The following KLHL29 variants were observed in gnomAD, a reference collection of about 807,000 sequenced individuals.
KLHL29 encodes kelch like family member 29, also known as kelch-like protein 29.
KLHL29 carries 21 observed loss-of-function variants against 80.4 expected under a neutral mutation model. That is an observed-to-expected ratio of 0.26 (90% CI 0.19 to 0.38). The LOEUF is 0.38. KLHL29 is among the 10% of genes least tolerant of loss of function. The pLI is 1.00. For missense variants in KLHL29, 867 were observed against 1,223.9 expected (o/e 0.71, Z 4.35); for synonymous variants, 511 against 526.8 (o/e 0.97, Z 0.41).
Position 23,416,424 on chromosome 2 carries a change from C to A in KLHL29, c.-154+30644C>A, listed in dbSNP as rs576334921. 7.9e-5 allele frequency among the ~76,000 whole-genome samples: 12 copies of A among 152,282 alleles called. No homozygotes were observed. The South Asian group carries it at 2.1e-3, about 26-fold the overall frequency. ...TCCATGCCTCAGTTTCTTCATCTAGCAAAAGGCAAGTGATACACCAAGGTC... is the reference window on the plus strand; with the variant it reads ...TCCATGCCTCAGTTTCTTCATCTAGAAAAAGGCAAGTGATACACCAAGGTC... On this transcript the variant is annotated intron_variant, in intron 1 of 13. Transcript: ENST00000486442.
At chr2:23,529,452 A>G (rs1338557730) in intron 2 of KLHL29, among the ~76,000 whole-genome samples, 1 of 152,158 alleles carries the variant, frequency 6.6e-6, no homozygotes, top group Non-Finnish European at 1.5e-5. Context: ...GGTTCACTCC[A>G]CCACTATGCA....
rs116468249 is a variant in KLHL29, at chr2:23,524,121, G to C, written c.-45-38031G>C. 734 of 450,834 alleles carry C rather than the reference G, an allele frequency of 1.6e-3. 8 individuals carry two copies. Among genetic ancestry groups the C allele is most frequent in the African/African-American group, 0.014 (692 of 49,320 alleles). 27.9% of individuals were successfully genotyped at this position (450,834 alleles called of 1,614,324 possible). ...CCTCAGTGTCGTAGGTAGCGGAGAT[G>C]CAAGTGTTCCCATTTCTCGGAAAAG... On this transcript the variant is annotated intron_variant, in intron 2 of 13. Transcript: ENST00000486442.
chr2:23,635,874 G>T (rs1282789573), intron 3 of KLHL29, among the ~76,000 whole-genome samples: 6 of 152,220 alleles, frequency 3.9e-5, no homozygotes, highest in Non-Finnish European at 8.8e-5. Flanking sequence ...CAGTGGGAGG[G>T]CACGAGGGGA....
chr2:23,654,510 T>C (rs1477231753), intron 5 of KLHL29, among the ~76,000 whole-genome samples: 5 of 152,214 alleles, frequency 3.3e-5, no homozygotes, highest in African/African-American at 1.2e-4. Flanking sequence ...CCTTCAAGAT[T>C]CCTCTCCCAG....
At chr2:23,683,388 C>A (rs1371260654) in intron 5 of KLHL29, among the ~76,000 whole-genome samples, 1 of 152,216 alleles carries the variant, frequency 6.6e-6, no homozygotes. Context: ...CCAGGGGATC[C>A]TGGGGGCAGG....
chr2:23,466,361 C>G (rs1307066778), intron 1 of KLHL29, among the ~76,000 whole-genome samples: 2 of 152,112 alleles, frequency 1.3e-5, no homozygotes, highest in Admixed American at 6.5e-5. Context: ...TTTTTATCAA[C>G]CTTTAGATGC....
rs542020386 is a variant in KLHL29 at position 23,465,069 on chromosome 2, C to T, written c.-153-10491C>T. Among the ~76,000 whole-genome samples, 13 of 152,324 alleles carry T rather than the reference C, an allele frequency of 8.5e-5. No homozygotes were observed. In the East Asian group the frequency reaches 2.3e-3, roughly 27 times the overall value. Reference sequence around the variant, plus strand: ...TTATTTTTCATACATGGTTGCTGCACGGCCGACAGATAGTAGATGATCCCA... The same window carrying T: ...TTATTTTTCATACATGGTTGCTGCATGGCCGACAGATAGTAGATGATCCCA... On this transcript the variant is annotated intron_variant, in intron 1 of 13. Coordinates refer to ENST00000486442, the MANE Select transcript of KLHL29 (RefSeq NM_052920.2).
chr2:23,694,081 C>T (rs1468345590), intron 8 of KLHL29, among the ~76,000 whole-genome samples: 1 of 152,254 alleles, frequency 6.6e-6, no homozygotes, highest in Non-Finnish European at 1.5e-5. Flanking sequence ...GTGACAGCCA[C>T]AAGTCCCTAT....
At chr2:23,454,636 CAT>C (rs1211930240) in intron 1 of KLHL29, among the ~76,000 whole-genome samples, 2 of 152,096 alleles carry the variant, frequency 1.3e-5, no homozygotes, top group Admixed American at 6.5e-5. Context: ...CTTGTATAAT[CAT>C]ATCAGAGGAC....
intron 2 of KLHL29, among the ~76,000 whole-genome samples, chr2:23,501,372 G>GCCT (rs1286248349): frequency 2.6e-5 from 4 of 152,038 alleles, no homozygotes; most frequent in Non-Finnish European, 5.9e-5. Context: ...GGGGAAAGAG[G>GCCT]CTATACAGGT....
chr2:23,695,965 A>C lies in KLHL29; in HGVS notation c.1756A>C (p.Ile586Leu). 1 of 1,551,354 alleles carries C rather than the reference A, an allele frequency of 6.4e-7. No homozygotes were observed. The highest frequency in any genetic ancestry group is 8.7e-7 in the Non-Finnish European group (1 of 1,146,888). ...TGTCCCTGCAGGTGTGGCTGAGGTC[A>C]TCGTCTTGGTTGGGGGCCGTCAGAT... ...PRLSAGVAEV[I>L]VLVGGRQMVG... The change falls in exon 10 of 14, where the codon ATC becomes CTC. Residue 586 changes from isoleucine to leucine, a missense_variant. Around this residue, in one of 2 missense-constraint regions of KLHL29, gnomAD observed 443 missense variants for 767.0 expected, o/e 0.58. Coordinates refer to ENST00000486442, the MANE Select transcript of KLHL29 (RefSeq NM_052920.2). This position sits in a 1 kb window ranked among gnomAD's most constrained non-coding sequence, Gnocchi z 7.6.
At chr2:23,453,641 G>A (rs753629360) in intron 1 of KLHL29, among the ~76,000 whole-genome samples, 4 of 152,162 alleles carry the variant, frequency 2.6e-5, no homozygotes, top group Non-Finnish European at 5.9e-5. Context: ...GGACGGCAGC[G>A]GCCCTGACTC....
In KLHL29 at chr2:23,565,782, G is replaced by A. The variant is rs190446516; in HGVS notation, c.285+3301G>A. On this transcript the variant is annotated intron_variant, in intron 3 of 13. Coordinates refer to ENST00000486442, the MANE Select transcript of KLHL29 (RefSeq NM_052920.2). ...GTATCCACCGGGCTTCCTGGGTGAA[G>A]GGTCTAGAGCCACATGTGGACCAGA... Among the ~76,000 whole-genome samples the A allele has an allele frequency of 1.1e-4, 17 of 152,238 alleles. No homozygotes were observed. In the East Asian group the frequency reaches 1.2e-3, roughly 10 times the overall value.
chr2:23,479,446 T>C (rs1664726483), intron 2 of KLHL29, among the ~76,000 whole-genome samples: 1 of 152,070 alleles, frequency 6.6e-6, no homozygotes, highest in Non-Finnish European at 1.5e-5. Context: ...CCTGTCCATC[T>C]TGCTCGTGTG....
At chr2:23,552,488 G>T (rs947578724) in intron 2 of KLHL29, among the ~76,000 whole-genome samples, 1 of 152,188 alleles carries the variant, frequency 6.6e-6, no homozygotes, top group Non-Finnish European at 1.5e-5. Flanking sequence ...GGTGTTTAGG[G>T]TGAGGGTCCT....
chr2:23,506,908 C>T (rs942328612), intron 2 of KLHL29: 1 of 191,494 alleles, frequency 5.2e-6, no homozygotes, highest in East Asian at 1.5e-4. Flanking sequence ...AGAAGTCTCT[C>T]TTCCAGAGCT....
At chr2:23,465,167 G>A (rs1311498404) in intron 1 of KLHL29, among the ~76,000 whole-genome samples, 1 of 152,208 alleles carries the variant, frequency 6.6e-6, no homozygotes, top group East Asian at 1.9e-4. Flanking sequence ...GGCAGGCAGG[G>A]TATGGCCCCC....
chr2:23,421,568 G>A (rs531367607), intron 1 of KLHL29, among the ~76,000 whole-genome samples: 2,222 of 141,662 alleles, frequency 0.016, 180 homozygotes, highest in Admixed American at 0.14. Context: ...GTGTGTGTCT[G>A]TAGCTGTGTG....
chr2:23,550,579 G>A (rs1667099216), intron 2 of KLHL29, among the ~76,000 whole-genome samples: 1 of 152,236 alleles, frequency 6.6e-6, no homozygotes, highest in Non-Finnish European at 1.5e-5. Flanking sequence ...GAGTGGTCGA[G>A]TCTCTCCCGA....
Sources: gnomAD v4.1 joint callset for allele counts (sites outside exome capture counted in the v4.1 genomes callset) on GRCh38, gnomAD v4.1.1 for gene constraint, gnomAD v4.1.1 regional missense constraint, Gnocchi (gnomAD v3.1) non-coding constraint, MANE v1.5 for transcripts, NCBI Gene and HGNC (gene_info 2026-07-23, HGNC 2026-07-21) for gene names.